The following PTPRD variants were observed in gnomAD, a reference collection of about 807,000 sequenced individuals.
PTPRD encodes the protein protein tyrosine phosphatase receptor type D, also known as receptor-type tyrosine-protein phosphatase delta.
Under a neutral mutation model 214.5 loss-of-function variants are expected in PTPRD, and 34 were observed. The observed-to-expected ratio is 0.16, with a 90% confidence interval of 0.12 to 0.21. PTPRD has a LOEUF of 0.21. PTPRD is among the 10% of genes least tolerant of loss of function. The pLI is 1.00. For synonymous variants in PTPRD, 1,128 were observed against 845.7 expected (o/e 1.33, Z -5.79); for missense variants, 2,545 against 2,398.7 (o/e 1.06, Z -1.27).
intron 11 of PTPRD, among the ~76,000 whole-genome samples, chr9:8,823,707 A>T (rs1434123253): frequency 1.3e-5 from 2 of 152,124 alleles, no homozygotes; most frequent in Admixed American, 6.5e-5. Context: ...AGGAAAGGAA[A>T]GGCGGAAGGA....
chr9:8,331,188 T>TTTGA (rs1331777764), intron 44 of PTPRD, among the ~76,000 whole-genome samples: 1 of 148,798 alleles, frequency 6.7e-6, no homozygotes, highest in African/African-American at 2.6e-5. Context: ...TTAGGATTTA[T>TTTGA]TTGATAGCTA....
At chr9:8,563,251 C>T (rs1393427520) in intron 14 of PTPRD, among the ~76,000 whole-genome samples, 3 of 152,012 alleles carry the variant, frequency 2.0e-5, no homozygotes, top group African/African-American at 7.3e-5. Flanking sequence ...TACAGACAGC[C>T]AAGATGGAGG....
intron 8 of PTPRD, among the ~76,000 whole-genome samples, chr9:9,403,318 CA>C (rs957383725): frequency 1.7e-5 from 2 of 117,502 alleles, no homozygotes; most frequent in African/African-American, 3.3e-5. Context: ...AAAACCAAAA[CA>C]AAAAACCCAG....
intron 4 of PTPRD, among the ~76,000 whole-genome samples, chr9:10,001,000 G>A (rs1244490642): frequency 6.6e-6 from 1 of 152,098 alleles, no homozygotes; most frequent in Non-Finnish European, 1.5e-5. Flanking sequence ...CAATATTACC[G>A]ACCACTTTTT....
At position 8,543,056 on chromosome 9, in the gene PTPRD, T is replaced by C. The variant is rs185787771; in HGVS notation, c.353-14277A>G. On this transcript the variant is annotated intron_variant, in intron 14 of 45. Coordinates refer to ENST00000381196, the MANE Select transcript of PTPRD (RefSeq NM_002839.4). ...TTTGAGTTGTGTTCCTATGAAGACA[T>C]GAAATTAAGAATCTCCTTATAGATA... Among the ~76,000 whole-genome samples the C allele has an allele frequency of 1.6e-4, 24 of 152,304 alleles. 1 individual carries two copies. Among genetic ancestry groups the C allele is most frequent in the Admixed American group, 1.4e-3 (21 of 15,294 alleles).
At chr9:10,263,933 G>A (rs912244069) in intron 3 of PTPRD, among the ~76,000 whole-genome samples, 5 of 152,082 alleles carry the variant, frequency 3.3e-5, no homozygotes, top group African/African-American at 1.2e-4. Context: ...CATCTCAAAG[G>A]CTCCATCCAT....
intron 10 of PTPRD, among the ~76,000 whole-genome samples, chr9:9,046,379 A>T (rs532970941): frequency 4.9e-4 from 74 of 152,296 alleles, no homozygotes; most frequent in African/African-American, 1.7e-3. Context: ...AGGATGCTCA[A>T]TTGTTTTTAT....
At chr9:8,351,743 A>T (rs967947570) in intron 39 of PTPRD, among the ~76,000 whole-genome samples, 4 of 9,840 alleles carry the variant, frequency 4.1e-4, no homozygotes, top group African/African-American at 1.4e-3. Flanking sequence ...GGCAAAGAGT[A>T]AAAAAAAAAA....
intron 2 of PTPRD, among the ~76,000 whole-genome samples, chr9:10,596,390 T>C (rs2076633353): frequency 6.6e-6 from 1 of 151,718 alleles, no homozygotes. Context: ...TCCCATTTAC[T>C]GAGCCCCTGT....
chr9:9,169,051 T>C (rs1048166513), intron 10 of PTPRD, among the ~76,000 whole-genome samples: 3 of 152,044 alleles, frequency 2.0e-5, no homozygotes, highest in African/African-American at 4.8e-5. Context: ...ACAAAACGTA[T>C]ATATAAATTT....
At chr9:8,587,666 T>C (rs1428517326) in intron 14 of PTPRD, among the ~76,000 whole-genome samples, 1 of 152,288 alleles carries the variant, frequency 6.6e-6, no homozygotes, top group East Asian at 1.9e-4. Flanking sequence ...AAAATAAAGA[T>C]ATGCTTAGGT....
chr9:8,625,971 T>C (rs572807374), intron 14 of PTPRD, among the ~76,000 whole-genome samples: 1 of 151,802 alleles, frequency 6.6e-6, no homozygotes, highest in East Asian at 1.9e-4. Context: ...TCACAAGTCA[T>C]TGTTTTTTTA....
chr9:9,485,642 C>T (rs2095598096), intron 8 of PTPRD, among the ~76,000 whole-genome samples: 1 of 152,130 alleles, frequency 6.6e-6, no homozygotes, highest in Non-Finnish European at 1.5e-5. Flanking sequence ...TGCCATAATT[C>T]CACAAAATTC....
At chr9:9,758,909 A>G (rs1261658319) in intron 6 of PTPRD, among the ~76,000 whole-genome samples, 1 of 152,164 alleles carries the variant, frequency 6.6e-6, no homozygotes, top group Non-Finnish European at 1.5e-5. Flanking sequence ...CACTTTAATA[A>G]CAAAAAGTGA....
chr9:10,572,418 C>A (rs950290918), intron 2 of PTPRD, among the ~76,000 whole-genome samples: 1 of 152,092 alleles, frequency 6.6e-6, no homozygotes, highest in Non-Finnish European at 1.5e-5. Context: ...GTCTTCTGGA[C>A]AAATCATCTC....
chr9:9,616,066 G>C (rs990110970), intron 7 of PTPRD, among the ~76,000 whole-genome samples: 1 of 152,120 alleles, frequency 6.6e-6, no homozygotes, highest in Non-Finnish European at 1.5e-5. Flanking sequence ...GCTTATATAG[G>C]ACATGGTCTT....
At chr9:8,886,741 A>G (rs920611379) in intron 11 of PTPRD, among the ~76,000 whole-genome samples, 1 of 152,188 alleles carries the variant, frequency 6.6e-6, no homozygotes, top group Non-Finnish European at 1.5e-5. Context: ...TGCCAAGTAA[A>G]CAAACTCTGC....
At chr9:9,810,410 A>AG (rs2046782944) in intron 5 of PTPRD, among the ~76,000 whole-genome samples, 1 of 152,026 alleles carries the variant, frequency 6.6e-6, no homozygotes, top group South Asian at 2.1e-4. Flanking sequence ...TCTCTTGTTA[A>AG]GGGCTAATGC....
At chr9:8,917,501 G>T (rs1055619715) in intron 11 of PTPRD, among the ~76,000 whole-genome samples, 2 of 151,770 alleles carry the variant, frequency 1.3e-5, no homozygotes, top group African/African-American at 4.8e-5. Context: ...TCTAAGCTGT[G>T]GTCTACTTGT....
Sources: allele counts gnomAD v4.1 joint callset (sites outside exome capture counted in the v4.1 genomes callset), GRCh38; gene constraint gnomAD v4.1.1; transcripts MANE v1.5; gene names NCBI Gene and HGNC (gene_info 2026-07-23, HGNC 2026-07-21).